EPM2A: variants seen among roughly 807,000 people sequenced by gnomAD.
EPM2A encodes the protein EPM2A glucan phosphatase, laforin.
Under a neutral mutation model 26.5 loss-of-function variants are expected in EPM2A, and 21 were observed. The ratio of observed to expected loss-of-function variants is 0.79; its 90% CI spans 0.56 to 1.14. EPM2A has a LOEUF of 1.14. Ranked by LOEUF, EPM2A falls within the 50% of genes most tolerant of loss-of-function variation. The pLI is 0.00. For missense variants in EPM2A, 458 were observed against 440.8 expected (o/e 1.04, Z -0.35); for synonymous variants, 217 against 177.6 (o/e 1.22, Z -1.76).
intron 4 of EPM2A, among the ~76,000 whole-genome samples, chr6:145,386,721 G>A (rs1356805856): frequency 6.6e-6 from 1 of 152,152 alleles, no homozygotes; most frequent in African/African-American, 2.4e-5. Context: ...TTTCAGGCAG[G>A]TAGTTGCAGT....
intron 2 of EPM2A, among the ~76,000 whole-genome samples, chr6:145,654,333 C>A (rs1184007766): frequency 1.3e-5 from 2 of 151,986 alleles, no homozygotes; most frequent in African/African-American, 4.8e-5. Flanking sequence ...AGGCATGTGC[C>A]ACCATGCCTG....
chr6:145,491,113 T>C, intron 4 of EPM2A: 1 of 601,778 alleles, frequency 1.7e-6, no homozygotes, highest in South Asian at 1.4e-5. Context: ...TTTGGCCACC[T>C]TTTTTCTTGT....
chr6:145,662,760 C>A (rs545395588), intron 2 of EPM2A, among the ~76,000 whole-genome samples: 6 of 152,186 alleles, frequency 3.9e-5, no homozygotes, highest in Middle Eastern at 3.4e-3. Context: ...AAATGAGGAA[C>A]CCGATCAGAT....
At chr6:145,522,757 G>A (rs1780219778) in intron 2 of EPM2A, among the ~76,000 whole-genome samples, 1 of 152,102 alleles carries the variant, frequency 6.6e-6, no homozygotes, top group South Asian at 2.1e-4. Context: ...TCTTGTGCTT[G>A]CACTATTCCT....
At chr6:145,635,597 A>G (rs1439237055) in intron 2 of EPM2A, 111 bp from the exon 3 acceptor site, 1 of 1,024,728 alleles carries the variant, frequency 9.8e-7, no homozygotes, top group African/African-American at 1.6e-5. Flanking sequence ...AGTCTGGCAC[A>G]GGAAAAGCTA....
At position 145,560,078 on chromosome 6, in the gene EPM2A, G is replaced by T. The variant is rs77696787; in HGVS notation, c.341-57503C>A. Among the ~76,000 whole-genome samples the T allele has an allele frequency of 4.6e-3, 706 of 152,096 alleles. 26 individuals carry two copies. The East Asian group carries it at 0.085, about 18-fold the overall frequency. On this transcript the variant is annotated intron_variant, in intron 2 of 3. Coordinates refer to the EPM2A transcript ENST00000450221. Reference sequence around the variant, plus strand: ...GGTTCTTCTTCACATCAAGTACTTGGACAAGCAGTGGCAAGGTGCTGTGGG... The same window carrying T: ...GGTTCTTCTTCACATCAAGTACTTGTACAAGCAGTGGCAAGGTGCTGTGGG...
At chr6:145,536,459 C>G (rs909767460) in intron 2 of EPM2A, among the ~76,000 whole-genome samples, 2 of 152,044 alleles carry the variant, frequency 1.3e-5, no homozygotes, top group African/African-American at 4.8e-5. Context: ...CCACACCCGG[C>G]TAATTTTTGT....
intron 2 of EPM2A, among the ~76,000 whole-genome samples, chr6:145,572,671 G>A (rs1174216581): frequency 3.9e-5 from 6 of 152,254 alleles, no homozygotes; most frequent in African/African-American, 7.2e-5. Flanking sequence ...CCCCTGCTGC[G>A]ATTCACCTAT....
At chr6:145,657,854 C>A (rs1450849365) in intron 2 of EPM2A, among the ~76,000 whole-genome samples, 1 of 152,226 alleles carries the variant, frequency 6.6e-6, no homozygotes, top group East Asian at 1.9e-4. Flanking sequence ...TCCCCAGAGT[C>A]TGCTGAACTC....
chr6:145,578,175 G>A (rs1781061249), intron 2 of EPM2A, among the ~76,000 whole-genome samples: 4 of 151,952 alleles, frequency 2.6e-5, no homozygotes, highest in Admixed American at 2.6e-4. Context: ...CCAATTAGTA[G>A]AAGAAGAGAA....
chr6:145,719,529 A>T (rs201768414), intron 1 of EPM2A, among the ~76,000 whole-genome samples: 5 of 151,810 alleles, frequency 3.3e-5, no homozygotes, highest in Non-Finnish European at 5.9e-5. Flanking sequence ...GCTAGATGAC[A>T]AGTTAGTGGG....
chr6:145,652,905 T>A (rs1225062965), intron 2 of EPM2A, among the ~76,000 whole-genome samples: 1 of 152,120 alleles, frequency 6.6e-6, no homozygotes, highest in African/African-American at 2.4e-5. Context: ...CCTACCTCTT[T>A]GCATGTTAAT....
At chr6:145,480,067 A>C (rs1204491069) in intron 4 of EPM2A, among the ~76,000 whole-genome samples, 1 of 152,072 alleles carries the variant, frequency 6.6e-6, no homozygotes, top group African/African-American at 2.4e-5. Context: ...TCTTTCAAGA[A>C]ATATACCATT....
chr6:145,697,239 G>A (rs936447338), intron 1 of EPM2A, among the ~76,000 whole-genome samples: 9 of 152,110 alleles, frequency 5.9e-5, no homozygotes. Context: ...GGCAGGTTCC[G>A]TGATGCCCCC....
At chr6:145,644,627 T>C (rs993189659) in intron 2 of EPM2A, among the ~76,000 whole-genome samples, 1 of 152,174 alleles carries the variant, frequency 6.6e-6, no homozygotes, top group Non-Finnish European at 1.5e-5. Flanking sequence ...CTCTTCCCTA[T>C]GAGATGTGAG....
intron 4 of EPM2A, among the ~76,000 whole-genome samples, chr6:145,418,362 T>A (rs1049357583): frequency 1.3e-5 from 2 of 152,180 alleles, no homozygotes; most frequent in Non-Finnish European, 2.9e-5. Flanking sequence ...GAATATCTCC[T>A]CCATTGTGTG....
At chr6:145,390,563 T>TTCTCTCTCTCTCTC (rs61299104) in intron 4 of EPM2A, among the ~76,000 whole-genome samples, 9,383 of 148,432 alleles carry the variant, frequency 0.063, 367 homozygotes, top group Non-Finnish European at 0.084. Flanking sequence ...TGCATGCACA[T>TTCTCTCTCTCTCTC]TCTCTCTCTC....
At chr6:145,517,525 T>C (rs1281619614) in intron 2 of EPM2A, among the ~76,000 whole-genome samples, 1 of 152,152 alleles carries the variant, frequency 6.6e-6, no homozygotes, top group Non-Finnish European at 1.5e-5. Context: ...CAAGATGTTA[T>C]TACTTTCATA....
intron 2 of EPM2A, among the ~76,000 whole-genome samples, chr6:145,607,435 T>C (rs1175443998): frequency 6.6e-6 from 1 of 152,082 alleles, no homozygotes; most frequent in Non-Finnish European, 1.5e-5. Context: ...GAGAACATAA[T>C]CAGCAACAAG....
Sources: allele counts gnomAD v4.1 joint callset (sites outside exome capture counted in the v4.1 genomes callset), GRCh38; gene constraint gnomAD v4.1.1; transcripts MANE v1.5; gene names NCBI Gene and HGNC (gene_info 2026-07-23, HGNC 2026-07-21).